The following SOX5 variants were observed in gnomAD, a reference collection of about 807,000 sequenced individuals.
SOX5 encodes SRY-box transcription factor 5, also known as transcription factor SOX-5.
In SOX5, 9 loss-of-function variants were observed where a neutral mutation model predicts 92.0. That is an observed-to-expected ratio of 0.10 (90% confidence interval 0.06 to 0.17). The LOEUF (loss-of-function observed/expected upper bound fraction) is 0.17, where lower values mean the gene tolerates loss of function less well. SOX5 is among the 10% of genes least tolerant of loss of function. SOX5 has a pLI of 1.00. For synonymous variants in SOX5, 344 were observed against 336.3 expected (o/e 1.02, Z -0.25); for missense variants, 642 against 944.5 (o/e 0.68, Z 4.20).
intron 4 of SOX5, among the ~76,000 whole-genome samples, chr12:23,981,495 A>G (rs1323169357): frequency 1.3e-5 from 2 of 152,232 alleles, no homozygotes; most frequent in Admixed American, 6.5e-5. Context: ...AAGAACTGCC[A>G]GGAATAATGA....
Position 24,088,140 on chromosome 12 carries a change from T to TAA in SOX5, c.-2+125201_-2+125202dup, listed in dbSNP as rs148191435. ...TATGTCTTTTCATTAATCTCATCTT[T>TAA]AAAAAAAAATCAAGGATATGTCAAC... On this transcript the variant is annotated intron_variant, in intron 4 of 4. Coordinates refer to the SOX5 transcript ENST00000446891. Among the ~76,000 whole-genome samples the TAA allele has an allele frequency of 1.4e-4, 21 of 151,574 alleles. No individual in the cohort carries two copies. In the East Asian group the frequency reaches 3.3e-3, roughly 24 times the overall value.
chr12:24,561,083 C>CT (rs963403704), intron 1 of SOX5, among the ~76,000 whole-genome samples: 1 of 152,226 alleles, frequency 6.6e-6, no homozygotes, highest in Non-Finnish European at 1.5e-5. Flanking sequence ...GGGACACCTC[C>CT]TTATGCCTTC....
chr12:24,001,172 C>T (rs898323300), intron 4 of SOX5, among the ~76,000 whole-genome samples: 5 of 152,008 alleles, frequency 3.3e-5, no homozygotes, highest in African/African-American at 1.2e-4. Context: ...CTCACTACAG[C>T]CTCAACCTCC....
intron 4 of SOX5, among the ~76,000 whole-genome samples, chr12:23,980,544 G>A (rs1949477321): frequency 6.6e-6 from 1 of 152,092 alleles, no homozygotes; most frequent in Non-Finnish European, 1.5e-5. Flanking sequence ...CATATTTGAG[G>A]AAATGTTTCA....
chr12:24,124,211 G>C (rs1005611119), intron 4 of SOX5, among the ~76,000 whole-genome samples: 1 of 151,998 alleles, frequency 6.6e-6, no homozygotes, highest in Admixed American at 6.6e-5. Flanking sequence ...TCCTTCATTT[G>C]TGTCTGCTCA....
chr12:24,185,739 T>C (rs1955949709), intron 4 of SOX5, among the ~76,000 whole-genome samples: 1 of 152,180 alleles, frequency 6.6e-6, no homozygotes, highest in African/African-American at 2.4e-5. Flanking sequence ...AGCCCACATG[T>C]GTAAAACACT....
chr12:24,513,748 T>C (rs535176373), intron 1 of SOX5, among the ~76,000 whole-genome samples: 1 of 152,332 alleles, frequency 6.6e-6, no homozygotes, highest in South Asian at 2.1e-4. Flanking sequence ...CTGAAGCAAG[T>C]TCCTCTTATA....
At chr12:23,945,941 A>G (rs1483294542) in intron 1 of SOX5, among the ~76,000 whole-genome samples, 1 of 152,148 alleles carries the variant, frequency 6.6e-6, no homozygotes, top group African/African-American at 2.4e-5. Context: ...CTAATGTCAG[A>G]GAGTAGTTTT....
intron 1 of SOX5, among the ~76,000 whole-genome samples, chr12:24,459,369 T>C (rs997185747): frequency 1.3e-5 from 2 of 152,196 alleles, no homozygotes; most frequent in Non-Finnish European, 2.9e-5. Context: ...CTAGGTGCTA[T>C]GATGTGTAGA....
intron 1 of SOX5, among the ~76,000 whole-genome samples, chr12:24,559,605 T>A (rs943132044): frequency 3.3e-5 from 5 of 151,708 alleles, no homozygotes; most frequent in African/African-American, 9.7e-5. Context: ...AAAAAAAAAA[T>A]TCTTTAAGCA....
chr12:24,150,103 C>T (rs1271598147), intron 4 of SOX5, among the ~76,000 whole-genome samples: 2 of 152,048 alleles, frequency 1.3e-5, no homozygotes, highest in African/African-American at 4.8e-5. Context: ...CAATACTTAC[C>T]AAATTGTATA....
intron 4 of SOX5, among the ~76,000 whole-genome samples, chr12:24,076,942 C>CTA (rs1942699076): frequency 6.6e-6 from 1 of 152,068 alleles, no homozygotes; most frequent in Non-Finnish European, 1.5e-5. Context: ...GATTACAATA[C>CTA]TATTATCCAA....
chr12:23,687,560 A>C (rs892073053), intron 6 of SOX5, among the ~76,000 whole-genome samples: 7 of 152,066 alleles, frequency 4.6e-5, no homozygotes, highest in Non-Finnish European at 1.0e-4. Context: ...CTAAACCCTT[A>C]AATAATAAAT....
intron 1 of SOX5, among the ~76,000 whole-genome samples, chr12:24,450,200 C>CTA (rs1219470066): frequency 6.6e-6 from 1 of 152,014 alleles, no homozygotes; most frequent in Non-Finnish European, 1.5e-5. Context: ...CAAAATATAC[C>CTA]TACTTTTAGG....
intron 1 of SOX5, among the ~76,000 whole-genome samples, chr12:24,548,524 C>A (rs998721170): frequency 5.3e-5 from 8 of 152,152 alleles, no homozygotes; most frequent in Non-Finnish European, 8.8e-5. Flanking sequence ...TGTTCTGTGT[C>A]AAATTTCTCC....
intron 4 of SOX5, among the ~76,000 whole-genome samples, chr12:24,133,342 G>A (rs1228408751): frequency 6.6e-6 from 1 of 152,158 alleles, no homozygotes; most frequent in Non-Finnish European, 1.5e-5. Context: ...TATTGGCTCT[G>A]GCGCCTTACC....
At chr12:23,939,373 T>C (rs1943192899) in intron 1 of SOX5, among the ~76,000 whole-genome samples, 1 of 151,004 alleles carries the variant, frequency 6.6e-6, no homozygotes, top group Admixed American at 6.6e-5. Context: ...TTATTTTCTT[T>C]CTTTCTTTTT....
rs141815507 is a variant in SOX5, at chr12:24,104,446, G to A, written c.-2+108897C>T. ...CACCTATAAGATACCATATCAATCT[G>A]ACATTATACAGATTCAATTTGAAAA... On this transcript the variant is annotated intron_variant, in intron 4 of 4. Coordinates refer to the SOX5 transcript ENST00000446891. Among the ~76,000 whole-genome samples, 280 of 152,166 alleles carry A rather than the reference G, an allele frequency of 1.8e-3. 1 individual carries two copies. Among genetic ancestry groups the A allele is most frequent in the African/African-American group, 6.3e-3 (261 of 41,526 alleles).
intron 4 of SOX5, among the ~76,000 whole-genome samples, chr12:24,174,053 A>G (rs2139175611): frequency 6.6e-6 from 1 of 151,688 alleles, no homozygotes. Context: ...TCTGGAGTAC[A>G]GTGGTATAAT....
Sources: gnomAD v4.1 joint callset for allele counts (sites outside exome capture counted in the v4.1 genomes callset) on GRCh38, gnomAD v4.1.1 for gene constraint, MANE v1.5 for transcripts, NCBI Gene and HGNC (gene_info 2026-07-23, HGNC 2026-07-21) for gene names.